The following GNA15 variants were observed in gnomAD, a reference collection of about 807,000 sequenced individuals.
GNA15 encodes G protein subunit alpha 15.
Under a neutral mutation model 40.1 loss-of-function variants are expected in GNA15, and 23 were observed. The observed-to-expected ratio is 0.57, with a 90% CI of 0.41 to 0.81. The LOEUF (loss-of-function observed/expected upper bound fraction) is 0.81. Ranked by LOEUF, GNA15 falls within the 40% of genes least tolerant of loss-of-function variation. The pLI is 0.00. For synonymous variants in GNA15, 226 were observed against 210.4 expected (o/e 1.07, Z -0.64); for missense variants, 522 against 515.8 (o/e 1.01, Z -0.12).
At chr19:3,148,135 C>G (rs796281871) in intron 1 of GNA15, among the ~76,000 whole-genome samples, 5 of 151,974 alleles carry the variant, frequency 3.3e-5, no homozygotes, top group African/African-American at 1.2e-4. Context: ...GTCGCTCAGG[C>G]TGGAGTACAA....
chr19:3,156,375 C>T (rs1034172213), intron 5 of GNA15, among the ~76,000 whole-genome samples: 1 of 151,864 alleles, frequency 6.6e-6, no homozygotes, highest in African/African-American at 2.4e-5. Flanking sequence ...CTTGCATGCA[C>T]TCACGTGCAC....
intron 6 of GNA15, among the ~76,000 whole-genome samples, chr19:3,162,385 C>CAGGA (rs1555707787): frequency 3.4e-5 from 3 of 87,880 alleles, no homozygotes; most frequent in Admixed American, 1.0e-4. Context: ...GGCCCCATCT[C>CAGGA]AAGAAAAAAA....
At chr19:3,148,459 T>G in intron 1 of GNA15, 132 bp from the exon 2 acceptor site, 1 of 791,450 alleles carries the variant, frequency 1.3e-6, no homozygotes, top group African/African-American at 1.8e-5. Flanking sequence ...GGTCACTGAG[T>G]GAGGTCCCGG....
intron 1 of GNA15, among the ~76,000 whole-genome samples, chr19:3,137,066 TGG>T (rs1568291469): frequency 1.3e-5 from 2 of 152,210 alleles, no homozygotes; most frequent in Non-Finnish European, 1.5e-5. Context: ...AGGGCTCCTT[TGG>T]GGGCTAGAAA....
intron 1 of GNA15, among the ~76,000 whole-genome samples, chr19:3,140,043 AAATCTATCT>A (rs1305211536): frequency 2.1e-4 from 9 of 42,472 alleles, no homozygotes; most frequent in African/African-American, 8.0e-4. Context: ...CAAAAAAAAA[AAATCTATCT>A]ATCTATCTAT....
chr19:3,145,326 C>T (rs140451793), intron 1 of GNA15, among the ~76,000 whole-genome samples: 1,883 of 93,410 alleles, frequency 0.02, 49 homozygotes, highest in African/African-American at 0.071. Flanking sequence ...TGCACCACTA[C>T]GTCTGACTAA....
chr19:3,147,858 A>C (rs1480170541), intron 1 of GNA15, among the ~76,000 whole-genome samples: 6 of 145,120 alleles, frequency 4.1e-5, no homozygotes, highest in Admixed American at 1.4e-4. Context: ...ACTGCACTCC[A>C]GCCTGGGTGA....
chr19:3,149,868 C>T, intron 2 of GNA15: 1 of 405,882 alleles, frequency 2.5e-6, no homozygotes, highest in Non-Finnish European at 4.5e-6. Context: ...TGCCATGCTC[C>T]CCCTGAGCCT....
Position 3,162,906 on chromosome 19 carries a change from C to T in GNA15, c.1012C>T (p.Arg338Cys), listed in dbSNP as rs867088858. 6.2e-6 allele frequency: 10 copies of T among 1,613,590 alleles called. No individual in the cohort carries two copies. Among genetic ancestry groups the T allele is most frequent in the Middle Eastern group, 3.3e-4 (2 of 6,060 alleles). Residue 338 changes from arginine to cysteine, a missense_variant, in exon 7 of 7, where the codon CGC becomes TGC. Transcript: ENST00000262958. Reference protein sequence around the residue: ...EGSKKGARSRRLFSHYTCATD... With the variant: ...EGSKKGARSRCLFSHYTCATD... ...CAGCAAGAAGGGCGCACGATCCCGACGCCTCTTCAGCCACTACACATGTGC... is the reference window on the plus strand; with the variant it reads ...CAGCAAGAAGGGCGCACGATCCCGATGCCTCTTCAGCCACTACACATGTGC...
Position 3,162,854 on chromosome 19 carries a change from C to T in GNA15, c.960C>T (p.Tyr320=). The change falls in exon 7 of 7, where the codon TAC becomes TAT. Residue 320 remains tyrosine (Y), a synonymous_variant. Transcript: ENST00000262958. ...RFILDMYTRM[Y]TGCVDGPEGS... is the part of the protein sequence containing the mutation. ...TCCTGGACATGTACACGAGGATGTA[C>T]ACCGGGTGCGTGGACGGCCCCGAGG... is the stretch of plus-strand genomic sequence containing the variant. 1.2e-6 allele frequency: 2 copies of T among 1,614,084 alleles called. No individual in the cohort carries two copies. Among genetic ancestry groups the T allele is most frequent in the Non-Finnish European group, 1.7e-6 (2 of 1,179,968 alleles).
At chr19:3,158,549 T>A (rs1614798) in intron 6 of GNA15, among the ~76,000 whole-genome samples, 127,309 of 152,208 alleles carry the variant, frequency 0.84, 53,768 homozygotes, top group African/African-American at 0.95. Context: ...TGTAAAGCAC[T>A]TCTGGAAAGA....
At chr19:3,157,013 T>C (rs1288490864) in intron 5 of GNA15, among the ~76,000 whole-genome samples, 1 of 151,836 alleles carries the variant, frequency 6.6e-6, no homozygotes, top group Admixed American at 6.6e-5. Flanking sequence ...ACTTTTTTTT[T>C]TGAGATGGAG....
chr19:3,156,339 AC>A (rs1568298672), intron 5 of GNA15, among the ~76,000 whole-genome samples: 2 of 152,060 alleles, frequency 1.3e-5, no homozygotes, highest in Non-Finnish European at 2.9e-5. Flanking sequence ...ATGCACACGA[AC>A]ACACATGCAC....
At chr19:3,162,056 G>GATAATA (rs1252646061) in intron 6 of GNA15, among the ~76,000 whole-genome samples, 1 of 149,370 alleles carries the variant, frequency 6.7e-6, no homozygotes, top group Non-Finnish European at 1.5e-5. Context: ...TAATAATAAT[G>GATAATA]ATAATAATAA....
chr19:3,162,955 A>G lies in GNA15; in HGVS notation c.1061A>G (p.Lys354Arg). The G allele has an allele frequency of 1.2e-6, 2 of 1,614,062 alleles. No individual in the cohort carries two copies. Among genetic ancestry groups the G allele is most frequent in the Non-Finnish European group, 1.7e-6 (2 of 1,179,938 alleles). Residue 354 changes from lysine (K) to arginine (R), a missense_variant, in exon 7 of 7, where the codon AAG (lysine) becomes AGG (arginine). Transcript: ENST00000262958. ...TCATDTQNIR[K>R]VFKDVRDSVL... ...GCCACAGACACACAGAACATCCGCAAGGTCTTCAAGGACGTGCGGGACTCG... is the reference window on the plus strand; with the variant it reads ...GCCACAGACACACAGAACATCCGCAGGGTCTTCAAGGACGTGCGGGACTCG...
intron 1 of GNA15, among the ~76,000 whole-genome samples, chr19:3,148,079 TTTTTG>T (rs1354019814): frequency 6.6e-6 from 1 of 151,724 alleles, no homozygotes; most frequent in Non-Finnish European, 1.5e-5. Context: ...TGTTTTGTTT[TTTTTG>T]TTTGTTTGTT....
Position 3,162,056 on chromosome 19 carries a change from GATA to G in GNA15, c.899-726_899-724del, listed in dbSNP as rs1252646061. Reference sequence around the variant, plus strand: ...TCAAAATAATAATAATAATAATAATGATAATAATAATAAAATTGATAACAGCAG... The same window carrying G: ...TCAAAATAATAATAATAATAATAATGATAATAATAAAATTGATAACAGCAG... On this transcript the variant is annotated intron_variant, in intron 6 of 6. Transcript: ENST00000262958. Among the ~76,000 whole-genome samples, 3 of 149,416 alleles carry G rather than the reference GATA, an allele frequency of 2.0e-5. 1 individual carries two copies. Among genetic ancestry groups the G allele is most frequent in the Middle Eastern group, 7.0e-3 (2 of 286 alleles).
chr19:3,163,428 T>C lies in GNA15; in HGVS notation c.*409T>C, dbSNP rs546999145. On this transcript the variant is annotated 3_prime_UTR_variant, in exon 7 of 7. Transcript: ENST00000262958. ...ACCCTGGGATGGGGCTAGTAGAGCC[T>C]TCAGGCGCCTTCGGGCGTGGACTCT... 112 of 232,326 alleles carry C rather than the reference T, an allele frequency of 4.8e-4. 1 individual carries two copies. Among genetic ancestry groups the C allele is most frequent in the Middle Eastern group, 1.7e-3 (1 of 596 alleles). The allele number at this position is 232,326 out of a possible 1,614,324, so 14.4% of individuals were successfully genotyped here.
chr19:3,156,526 G>A (rs1235102413), intron 5 of GNA15, among the ~76,000 whole-genome samples: 6 of 151,954 alleles, frequency 3.9e-5, no homozygotes, highest in Non-Finnish European at 5.9e-5. Context: ...ACACATGCAC[G>A]CACACGCACA....
Sources: gnomAD v4.1 joint callset for allele counts (sites outside exome capture counted in the v4.1 genomes callset) on GRCh38, gnomAD v4.1.1 for gene constraint, MANE v1.5 for transcripts, NCBI Gene and HGNC (gene_info 2026-07-23, HGNC 2026-07-21) for gene names.